The following RNGTT variants were observed in gnomAD, a reference collection of about 807,000 sequenced individuals.
RNGTT encodes the protein mRNA-capping enzyme.
Under a neutral mutation model 79.3 loss-of-function variants are expected in RNGTT, and 33 were observed. The ratio of observed to expected loss-of-function variants is 0.42; its 90% CI spans 0.32 to 0.56. The LOEUF (loss-of-function observed/expected upper bound fraction) is 0.56. Ranked by LOEUF, RNGTT falls within the 20% of genes least tolerant of loss-of-function variation. The pLI is 0.17. For missense variants in RNGTT, 497 were observed against 739.1 expected (o/e 0.67, Z 3.80); for synonymous variants, 222 against 235.9 (o/e 0.94, Z 0.54).
intron 2 of RNGTT, among the ~76,000 whole-genome samples, chr6:88,931,797 TA>T (rs1562049079): frequency 6.6e-6 from 1 of 152,188 alleles, no homozygotes; most frequent in Admixed American, 6.5e-5. Context: ...ATATAAATTG[TA>T]AAATTCCTAT....
chr6:88,860,854 TTTG>T (rs1464119437), intron 8 of RNGTT, among the ~76,000 whole-genome samples: 2 of 152,090 alleles, frequency 1.3e-5, no homozygotes, highest in East Asian at 1.9e-4. Flanking sequence ...TAATGGGTTT[TTTG>T]TTGTTGTTGT....
chr6:88,803,650 C>T (rs1582479834), intron 11 of RNGTT, among the ~76,000 whole-genome samples: 1 of 135,020 alleles, frequency 7.4e-6, no homozygotes, highest in South Asian at 2.3e-4. Context: ...CCAAATACCA[C>T]AATAATCTCT....
Position 88,805,469 on chromosome 6 carries a change from C to T in RNGTT, c.1270-3837G>A, listed in dbSNP as rs577544923. ...TTAAAACCCTCCTGCTTTCCAAACC[C>T]TTCTTGATATGATGCAAAAGTTACC... On this transcript the variant is annotated intron_variant, in intron 11 of 15. Coordinates refer to ENST00000369485, the MANE Select transcript of RNGTT (RefSeq NM_003800.5). Among the ~76,000 whole-genome samples, 4 of 152,288 alleles carry T rather than the reference C, an allele frequency of 2.6e-5. No individual in the cohort carries two copies. In the South Asian group the frequency reaches 8.3e-4, roughly 32 times the overall value.
Position 88,744,854 on chromosome 6 carries a change from G to A in RNGTT, c.1439+24920C>T, listed in dbSNP as rs181510626. Among the ~76,000 whole-genome samples the A allele has an allele frequency of 5.2e-4, 79 of 152,204 alleles. No individual in the cohort carries two copies. The East Asian group carries it at 7.9e-3, about 15-fold the overall frequency. ...AATTTCAAGTATTTGGGAAGTTAAC[G>A]AAACATTACAAATATGATGCTTAAT... On this transcript the variant is annotated intron_variant, in intron 13 of 15. Transcript: ENST00000369485.
chr6:88,902,690 C>CTTTTT lies in RNGTT; in HGVS notation c.684+2020_684+2024dup, dbSNP rs71024315. ...CCTTTAAAAAGATGTATAGTGAAAT[C>CTTTTT]TTTTTTTTTTTTTTTTTTTTTTTTG... On this transcript the variant is annotated intron_variant, in intron 6 of 15. Coordinates refer to ENST00000369485, the MANE Select transcript of RNGTT (RefSeq NM_003800.5). 6.8e-4 allele frequency among the ~76,000 whole-genome samples: 56 copies of CTTTTT among 82,692 alleles called. 2 individuals are homozygous for CTTTTT. The highest frequency in any genetic ancestry group is 1.4e-3 in the African/African-American group (28 of 20,228). 54.2% of individuals were successfully genotyped at this position (82,692 alleles called of 152,430 possible).
chr6:88,666,562 A>T (rs1774415761), intron 14 of RNGTT, among the ~76,000 whole-genome samples: 1 of 152,202 alleles, frequency 6.6e-6, no homozygotes, highest in Non-Finnish European at 1.5e-5. Context: ...TAACCACTGA[A>T]GTTTGTAACA....
At chr6:88,811,966 T>C (rs146701059) in intron 11 of RNGTT, among the ~76,000 whole-genome samples, 31 of 152,314 alleles carry the variant, frequency 2.0e-4, no homozygotes, top group African/African-American at 7.0e-4. Context: ...CTAATCTTTA[T>C]TGGTTTTCAA....
At chr6:88,720,068 G>C (rs542983988) in intron 13 of RNGTT, among the ~76,000 whole-genome samples, 1 of 152,282 alleles carries the variant, frequency 6.6e-6, no homozygotes, top group African/African-American at 2.4e-5. Context: ...TCAACTCCTA[G>C]TCTAACATGT....
intron 13 of RNGTT, among the ~76,000 whole-genome samples, chr6:88,700,825 T>C (rs1775920078): frequency 6.6e-6 from 1 of 152,150 alleles, no homozygotes; most frequent in Admixed American, 6.5e-5. Flanking sequence ...ATATGACTTA[T>C]TTCACAAAGA....
At chr6:88,914,429 C>CA (rs1323932503) in intron 4 of RNGTT, among the ~76,000 whole-genome samples, 4 of 151,704 alleles carry the variant, frequency 2.6e-5, no homozygotes, top group East Asian at 1.9e-4. Context: ...GGTACTCCTA[C>CA]AAAAAAAAGA....
At chr6:88,852,182 C>T (rs1218103709) in intron 9 of RNGTT, among the ~76,000 whole-genome samples, 2 of 152,040 alleles carry the variant, frequency 1.3e-5, no homozygotes, top group Non-Finnish European at 2.9e-5. Flanking sequence ...CATTACCATT[C>T]ATTCTCCACC....
At chr6:88,786,676 A>T (rs903445420) in intron 12 of RNGTT, among the ~76,000 whole-genome samples, 1 of 152,232 alleles carries the variant, frequency 6.6e-6, no homozygotes. Flanking sequence ...AAACAAACAG[A>T]TAATTTTTTC....
At chr6:88,693,419 G>A (rs981297661) in intron 13 of RNGTT, among the ~76,000 whole-genome samples, 7 of 151,992 alleles carry the variant, frequency 4.6e-5, no homozygotes, top group African/African-American at 1.7e-4. Flanking sequence ...GAATCATAAC[G>A]AAATAGAAAA....
At chr6:88,744,026 TC>T (rs978361302) in intron 13 of RNGTT, among the ~76,000 whole-genome samples, 13 of 152,076 alleles carry the variant, frequency 8.5e-5, no homozygotes, top group African/African-American at 2.9e-4. Flanking sequence ...TCACCTTTTT[TC>T]CCCCAAAGAA....
chr6:88,671,623 A>T (rs1306411564), intron 14 of RNGTT, among the ~76,000 whole-genome samples: 2 of 151,974 alleles, frequency 1.3e-5, no homozygotes, highest in African/African-American at 4.8e-5. Context: ...CATATGGAAT[A>T]AAAAAAAGAG....
chr6:88,672,823 A>G (rs1774707905), intron 14 of RNGTT, among the ~76,000 whole-genome samples: 1 of 152,242 alleles, frequency 6.6e-6, no homozygotes, highest in East Asian at 1.9e-4. Context: ...ACATATTTAT[A>G]TCTTTATGTA....
At chr6:88,682,893 G>A (rs886460956) in intron 13 of RNGTT, among the ~76,000 whole-genome samples, 4 of 152,114 alleles carry the variant, frequency 2.6e-5, no homozygotes, top group African/African-American at 9.7e-5. Context: ...ATAACCCATA[G>A]ATCAGAGGTA....
rs142801526 is a variant in RNGTT at position 88,872,593 on chromosome 6, C to T, written c.896+17902G>A. Among the ~76,000 whole-genome samples, 11 of 152,210 alleles carry T rather than the reference C, an allele frequency of 7.2e-5. No individual in the cohort carries two copies. The East Asian group carries it at 1.9e-3, about 27-fold the overall frequency. On this transcript the variant is annotated intron_variant, in intron 8 of 15. Coordinates refer to ENST00000369485, the MANE Select transcript of RNGTT (RefSeq NM_003800.5). The stretch of plus-strand genomic sequence containing the variant: ...ATGGATTTAAGAAAAACAAAAAAGA[C>T]TCACCCAACCACACTGCTCCCAAGA...
intron 4 of RNGTT, among the ~76,000 whole-genome samples, chr6:88,914,749 T>A (rs892988003): frequency 1.3e-5 from 2 of 151,352 alleles, no homozygotes; most frequent in African/African-American, 4.8e-5. Context: ...TATGTCTAAG[T>A]CCTCAAAAAC....
Sources: gnomAD v4.1 joint callset for allele counts (sites outside exome capture counted in the v4.1 genomes callset) on GRCh38, gnomAD v4.1.1 for gene constraint, MANE v1.5 for transcripts, NCBI Gene and HGNC (gene_info 2026-07-23, HGNC 2026-07-21) for gene names.